PDSS2: variants seen among roughly 807,000 people sequenced by gnomAD.
PDSS2 encodes decaprenyl diphosphate synthase subunit 2.
In PDSS2, 31 loss-of-function variants were observed where a neutral mutation model predicts 44.5. The observed-to-expected ratio is 0.70, with a 90% confidence interval of 0.52 to 0.94. The LOEUF (loss-of-function observed/expected upper bound fraction) is 0.94, where lower values mean the gene tolerates loss of function less well. Among genes scored for constraint, PDSS2 ranks in the 40% least tolerant of loss-of-function variants. PDSS2 has a pLI of 0.00. For synonymous variants in PDSS2, 157 were observed against 180.3 expected (o/e 0.87, Z 1.03); for missense variants, 452 against 482.2 (o/e 0.94, Z 0.59).
At chr6:107,217,345 CA>C (rs1278062243) in intron 4 of PDSS2, among the ~76,000 whole-genome samples, 7 of 152,068 alleles carry the variant, frequency 4.6e-5, no homozygotes, top group African/African-American at 1.7e-4. Flanking sequence ...TCAATGTAAT[CA>C]TAGTAGTCCT....
intron 1 of PDSS2, among the ~76,000 whole-genome samples, chr6:107,341,699 G>A (rs1778085079): frequency 6.6e-6 from 1 of 152,178 alleles, no homozygotes; most frequent in African/African-American, 2.4e-5. Context: ...CACAATGGAG[G>A]CAGAGAACTA....
intron 7 of PDSS2, among the ~76,000 whole-genome samples, chr6:107,172,759 C>T (rs1177542331): frequency 6.6e-6 from 1 of 151,664 alleles, no homozygotes; most frequent in African/African-American, 2.4e-5. Flanking sequence ...ATAAAACACA[C>T]ACACACACAT....
chr6:107,230,063 G>A (rs984157574), intron 4 of PDSS2: 4 of 188,856 alleles, frequency 2.1e-5, no homozygotes, highest in Admixed American at 2.0e-4. Flanking sequence ...AAAAAGACCT[G>A]AAGAAACAAA....
intron 2 of PDSS2, among the ~76,000 whole-genome samples, chr6:107,330,096 T>A (rs1278964715): frequency 6.6e-6 from 1 of 152,096 alleles, no homozygotes; most frequent in African/African-American, 2.4e-5. Context: ...TTTCTTCTCA[T>A]ACATCTAGTC....
intron 2 of PDSS2, among the ~76,000 whole-genome samples, chr6:107,307,909 T>C (rs1269867065): frequency 6.6e-6 from 1 of 152,136 alleles, no homozygotes; most frequent in African/African-American, 2.4e-5. Flanking sequence ...TACAAATGAG[T>C]GTATTTGTAA....
intron 1 of PDSS2, among the ~76,000 whole-genome samples, chr6:107,392,833 A>C (rs1355097648): frequency 6.6e-6 from 1 of 152,128 alleles, no homozygotes; most frequent in South Asian, 2.1e-4. Flanking sequence ...TTATACCCAG[A>C]CTTCAAGCTT....
At chr6:107,364,701 T>TGG (rs914593739) in intron 1 of PDSS2, among the ~76,000 whole-genome samples, 18 of 151,144 alleles carry the variant, frequency 1.2e-4, no homozygotes, top group South Asian at 2.1e-4. Context: ...CACAGTGCAG[T>TGG]GGGGGGGCTG....
intron 1 of PDSS2, among the ~76,000 whole-genome samples, chr6:107,334,867 G>A (rs983178636): frequency 3.3e-5 from 5 of 152,004 alleles, no homozygotes; most frequent in Admixed American, 2.0e-4. Flanking sequence ...TTTTAAAAGC[G>A]ACAATCTCGC....
chr6:107,218,556 T>A (rs900432150), intron 4 of PDSS2, among the ~76,000 whole-genome samples: 54 of 152,312 alleles, frequency 3.5e-4, no homozygotes, highest in Admixed American at 3.5e-3. Flanking sequence ...ATTTGTTAAA[T>A]GAGTTATTGT....
At chr6:107,215,536 A>G (rs1773381609) in intron 4 of PDSS2, among the ~76,000 whole-genome samples, 1 of 152,200 alleles carries the variant, frequency 6.6e-6, no homozygotes, top group Non-Finnish European at 1.5e-5. Flanking sequence ...TGCACACAAC[A>G]CCACTGATAT....
intron 3 of PDSS2, chr6:107,264,408 C>T: frequency 6.5e-7 from 1 of 1,549,000 alleles, no homozygotes; most frequent in Non-Finnish European, 8.7e-7. Context: ...AGAACAACCT[C>T]CAGGAGTGAC....
At chr6:107,199,052 C>T (rs576757628) in intron 6 of PDSS2, among the ~76,000 whole-genome samples, 2 of 152,128 alleles carry the variant, frequency 1.3e-5, no homozygotes, top group Non-Finnish European at 2.9e-5. Flanking sequence ...ATTTAGATTC[C>T]TACATAAATG....
At chr6:107,222,457 C>T (rs893436305) in intron 4 of PDSS2, among the ~76,000 whole-genome samples, 5 of 151,976 alleles carry the variant, frequency 3.3e-5, no homozygotes, top group African/African-American at 4.8e-5. Flanking sequence ...GAGCTCGAGA[C>T]CATCCTGGCC....
intron 6 of PDSS2, among the ~76,000 whole-genome samples, chr6:107,195,541 AT>A (rs1266438716): frequency 6.7e-6 from 1 of 148,994 alleles, no homozygotes; most frequent in African/African-American, 2.5e-5. Flanking sequence ...TCTTTTAAAA[AT>A]TTTTCTGAAG....
At chr6:107,336,178 C>G (rs999749831) in intron 1 of PDSS2, among the ~76,000 whole-genome samples, 7 of 151,072 alleles carry the variant, frequency 4.6e-5, no homozygotes, top group African/African-American at 1.7e-4. Flanking sequence ...TCGCTTGAAT[C>G]CAGGAGGTAG....
chr6:107,426,863 T>C lies in PDSS2; in HGVS notation c.296+32127A>G, dbSNP rs138674883. On this transcript the variant is annotated intron_variant, in intron 1 of 7. Coordinates refer to ENST00000369037, the MANE Select transcript of PDSS2 (RefSeq NM_020381.4). ...TACTTACCCAATGCCTGTACCCCCA[T>C]TGTATCTGGGAAGTAACTTTCTTTT... Among the ~76,000 whole-genome samples the C allele has an allele frequency of 3.2e-4, 48 of 152,238 alleles. No individual in the cohort carries two copies. The East Asian group carries it at 4.6e-3, about 15-fold the overall frequency.
At chr6:107,193,550 G>T (rs1772452280) in intron 7 of PDSS2, among the ~76,000 whole-genome samples, 1 of 151,804 alleles carries the variant, frequency 6.6e-6, no homozygotes, top group South Asian at 2.1e-4. Flanking sequence ...TTCCCCACTA[G>T]AATTGTAAAT....
In PDSS2 at chr6:107,403,801, T is replaced by C. The variant is rs1307659203; in HGVS notation, c.296+55189A>G. Among the ~76,000 whole-genome samples, 4 of 152,190 alleles carry C rather than the reference T, an allele frequency of 2.6e-5. No homozygotes were observed. In the East Asian group the frequency reaches 5.8e-4, roughly 22 times the overall value. On this transcript the variant is annotated intron_variant, in intron 1 of 7. Transcript: ENST00000369037. ...GCAGCTGCACACAGCAGGGGAGCCCTGGACCAGGCTCAAGAAACCATTTTT... is the reference window on the plus strand; with the variant it reads ...GCAGCTGCACACAGCAGGGGAGCCCCGGACCAGGCTCAAGAAACCATTTTT...
At chr6:107,201,390 C>CAA (rs747612959) in intron 6 of PDSS2, among the ~76,000 whole-genome samples, 9,249 of 52,140 alleles carry the variant, frequency 0.18, 1,512 homozygotes, top group East Asian at 0.36. Flanking sequence ...CATACAAAAG[C>CAA]AAAAAAAAAA....
Sources: allele counts gnomAD v4.1 joint callset (sites outside exome capture counted in the v4.1 genomes callset), GRCh38; gene constraint gnomAD v4.1.1; transcripts MANE v1.5; gene names NCBI Gene and HGNC (gene_info 2026-07-23, HGNC 2026-07-21).